Variants in ZCCHC14 observed in about 807,000 individuals in gnomAD.
ZCCHC14 encodes the protein zinc finger CCHC-type containing 14.
In ZCCHC14, 16 loss-of-function variants were observed where a neutral mutation model predicts 85.0. The ratio of observed to expected loss-of-function variants is 0.19; its 90% CI spans 0.13 to 0.29. The LOEUF (loss-of-function observed/expected upper bound fraction) is 0.29. ZCCHC14 is among the 10% of genes least tolerant of loss of function. The probability of loss-of-function intolerance (pLI) is 1.00; values close to 1 mark genes in which losing one functional copy is unlikely to be tolerated. For missense variants in ZCCHC14, 1,303 were observed against 1,443.5 expected, an observed-to-expected ratio of 0.90 and a Z score of 1.58; for synonymous variants, 775 against 630.7, an observed-to-expected ratio of 1.23 and a Z score of -3.43.
chr16:87,440,720 C>T (rs1289456951), intron 2 of ZCCHC14, among the ~76,000 whole-genome samples: 1 of 152,146 alleles, frequency 6.6e-6, no homozygotes, highest in African/African-American at 2.4e-5. Context: ...GATCCACCCA[C>T]CTCAGCCTCC....
At chr16:87,490,179 C>A (rs1912689151) in intron 1 of ZCCHC14, among the ~76,000 whole-genome samples, 1 of 152,134 alleles carries the variant, frequency 6.6e-6, no homozygotes, top group African/African-American at 2.4e-5. Context: ...TGTACTACAA[C>A]CACTTCTTAC....
Position 87,410,075 on chromosome 16 carries a change from T to C in ZCCHC14, c.*205A>G, listed in dbSNP as rs954958324. 4.9e-5 allele frequency: 22 copies of C among 450,228 alleles called. No individual in the cohort carries two copies. The highest frequency in any genetic ancestry group is 8.2e-5 in the Non-Finnish European group (21 of 254,730). 27.9% of individuals were successfully genotyped at this position (450,228 alleles called of 1,614,324 possible). On this transcript the variant is annotated 3_prime_UTR_variant, in exon 13 of 13. Transcript: ENST00000671377. Reference sequence around the variant, plus strand: ...GCCACAGAGATGCCCACTAGGCGAGTTCTGACACCAAGCTCCAATCTAGGG... The same window carrying C: ...GCCACAGAGATGCCCACTAGGCGAGCTCTGACACCAAGCTCCAATCTAGGG...
At chr16:87,452,920 C>T (rs534408686) in intron 2 of ZCCHC14, among the ~76,000 whole-genome samples, 1 of 152,312 alleles carries the variant, frequency 6.6e-6, no homozygotes, top group South Asian at 2.1e-4. Flanking sequence ...TCAGGTGGCC[C>T]AAGTGCACAC....
At position 87,438,934 on chromosome 16, in the gene ZCCHC14, G is replaced by A. The variant is rs114848346; in HGVS notation, c.695-5733C>T. Among the ~76,000 whole-genome samples the A allele has an allele frequency of 8.4e-3, 1,285 of 152,296 alleles. 19 individuals carry two copies. Among genetic ancestry groups the A allele is most frequent in the African/African-American group, 0.03 (1,236 of 41,560 alleles). On this transcript the variant is annotated intron_variant, in intron 2 of 12. Transcript: ENST00000671377. ...CACCTTTGTTACTAATGAGCAGACCGTATTATTTAGTTAAGATGTATTTCT... is the reference window on the plus strand; with the variant it reads ...CACCTTTGTTACTAATGAGCAGACCATATTATTTAGTTAAGATGTATTTCT...
At chr16:87,484,724 G>C (rs74671022) in intron 1 of ZCCHC14, among the ~76,000 whole-genome samples, 259 of 152,272 alleles carry the variant, frequency 1.7e-3, no homozygotes, top group African/African-American at 5.8e-3. Context: ...AAGAGGGGCT[G>C]GTAGAGACGA....
At chr16:87,490,707 G>A (rs1231637371) in intron 1 of ZCCHC14, among the ~76,000 whole-genome samples, 3 of 152,168 alleles carry the variant, frequency 2.0e-5, no homozygotes, top group Admixed American at 1.3e-4. Context: ...TAGGTTTCAC[G>A]GGCATTTAAG....
At chr16:87,425,541 A>G (rs4552033) in intron 3 of ZCCHC14, among the ~76,000 whole-genome samples, 101,269 of 151,532 alleles carry the variant, frequency 0.67, 38,679 homozygotes, top group South Asian at 0.9. Context: ...GCGCCATTGC[A>G]CTCCAGCCTG....
chr16:87,449,079 C>T (rs1224128602), intron 2 of ZCCHC14, among the ~76,000 whole-genome samples: 2 of 152,234 alleles, frequency 1.3e-5, no homozygotes, highest in African/African-American at 4.8e-5. Context: ...ACCCCAGCCA[C>T]TACGGCCTGA....
chr16:87,433,035 G>T (rs1597414542), intron 3 of ZCCHC14, 93 bp downstream of exon 3: 2 of 1,368,028 alleles, frequency 1.5e-6, no homozygotes, highest in African/African-American at 2.9e-5. Flanking sequence ...TTTGCACAAG[G>T]CACAGCCTTA....
At chr16:87,468,192 G>A (rs1911617377) in intron 1 of ZCCHC14, among the ~76,000 whole-genome samples, 1 of 152,158 alleles carries the variant, frequency 6.6e-6, no homozygotes, top group Non-Finnish European at 1.5e-5. Context: ...GTGGCCTTTT[G>A]AAAGTAGGAA....
At chr16:87,448,984 C>G (rs1298471107) in intron 2 of ZCCHC14, among the ~76,000 whole-genome samples, 1 of 152,224 alleles carries the variant, frequency 6.6e-6, no homozygotes, top group African/African-American at 2.4e-5. Context: ...TGTGCCGGCC[C>G]AAGCTCGGCC....
intron 1 of ZCCHC14, chr16:87,471,215 C>A (rs539321488): frequency 2.2e-4 from 34 of 152,062 alleles, no homozygotes; most frequent in Admixed American, 1.6e-3. Context: ...TTTAAGTTAA[C>A]GTAAAAAACA....
At chr16:87,455,117 C>T (rs1054560160) in intron 2 of ZCCHC14, among the ~76,000 whole-genome samples, 1 of 152,176 alleles carries the variant, frequency 6.6e-6, no homozygotes, top group South Asian at 2.1e-4. Flanking sequence ...GGAGAAACCC[C>T]ATCTCTACTA....
intron 2 of ZCCHC14, among the ~76,000 whole-genome samples, chr16:87,443,504 G>A (rs916807854): frequency 3.9e-5 from 6 of 152,208 alleles, no homozygotes; most frequent in Non-Finnish European, 8.8e-5. Flanking sequence ...GGGAGGCCAA[G>A]GCAGAAGAAC....
intron 2 of ZCCHC14, among the ~76,000 whole-genome samples, chr16:87,452,624 G>A (rs1285983789): frequency 2.0e-5 from 3 of 152,166 alleles, no homozygotes; most frequent in Admixed American, 1.3e-4. Flanking sequence ...CCGATTTAAT[G>A]CAGCCCACCA....
chr16:87,491,843 G>A lies in ZCCHC14; in HGVS notation c.396C>T (p.Phe132=), dbSNP rs201541231. 7 of 1,577,666 alleles carry A rather than the reference G, an allele frequency of 4.4e-6. No individual in the cohort carries two copies. The highest frequency in any genetic ancestry group is 2.8e-5 in the African/African-American group (2 of 71,508). The change falls in exon 1 of 13, where the codon TTC becomes TTT. Residue 132 remains phenylalanine (F), a synonymous_variant. Transcript: ENST00000671377. The surrounding 1 kb of genome is among the most constrained non-coding windows in gnomAD (Gnocchi z 5.9). The part of the protein sequence containing the change: ...QLNEGRTGDE[F]LLLFTMASNH... The stretch of plus-strand genomic sequence containing the variant: ...TGGAGGCCATGGTGAACAGCAGCAG[G>A]AACTCATCGCCCGTGCGGCCCTCGT...
At chr16:87,459,349 CT>C (rs531710228) in intron 2 of ZCCHC14, among the ~76,000 whole-genome samples, 178 of 142,876 alleles carry the variant, frequency 1.2e-3, no homozygotes, top group East Asian at 1.4e-3. Context: ...TCCTCCCACC[CT>C]TTTTTTTTTT....
At chr16:87,424,195 A>G (rs940300319) in intron 3 of ZCCHC14, among the ~76,000 whole-genome samples, 40 of 152,184 alleles carry the variant, frequency 2.6e-4, no homozygotes, top group African/African-American at 9.4e-4. Flanking sequence ...GCCCTGTTCA[A>G]CTTCCTCAGG....
At position 87,443,135 on chromosome 16, in the gene ZCCHC14, A is replaced by T. The variant is rs566930386; in HGVS notation, c.695-9934T>A. On this transcript the variant is annotated intron_variant, in intron 2 of 12. Transcript: ENST00000671377. ...CAAAATAGGTTTGATGGTTGAAAAC[A>T]AAAATCATTAACGCGGTCCCAAGCA... Among the ~76,000 whole-genome samples, 8 of 152,370 alleles carry T rather than the reference A, an allele frequency of 5.3e-5. No individual in the cohort carries two copies. In the South Asian group the frequency reaches 1.5e-3, roughly 28 times the overall value.
Sources: allele counts gnomAD v4.1 joint callset (sites outside exome capture counted in the v4.1 genomes callset), GRCh38; gene constraint gnomAD v4.1.1; non-coding constraint Gnocchi (gnomAD v3.1); transcripts MANE v1.5; gene names NCBI Gene and HGNC (gene_info 2026-07-23, HGNC 2026-07-21).